Variants in GATA5 observed in about 807,000 individuals in gnomAD.
GATA5 encodes the protein transcription factor GATA-5.
Under a neutral mutation model 35.0 loss-of-function variants are expected in GATA5, and 27 were observed. The ratio of observed to expected loss-of-function variants is 0.77; its 90% CI spans 0.57 to 1.06. GATA5 has a LOEUF of 1.06. Ranked by LOEUF, GATA5 falls within the 50% of genes least tolerant of loss-of-function variation. The pLI is 0.00. For missense variants in GATA5, 612 were observed against 580.0 expected (o/e 1.06, Z -0.57); for synonymous variants, 306 against 267.8 (o/e 1.14, Z -1.39).
chr20:62,464,727 G>A lies in GATA5; in HGVS notation c.*109C>T, dbSNP rs1989533400. Reference sequence around the variant, plus strand: ...GAGACTCCAGCAGACCCAGTCTCTGGGTTGGGGGGCCTGCTGGTCTCTGCT... The same window carrying A: ...GAGACTCCAGCAGACCCAGTCTCTGAGTTGGGGGGCCTGCTGGTCTCTGCT... On this transcript the variant is annotated 3_prime_UTR_variant, in exon 7 of 7. Transcript: ENST00000252997. 1.0e-6 allele frequency: 1 copy of A among 992,168 alleles called. No homozygotes were observed. The highest frequency in any genetic ancestry group is 1.7e-5 in the African/African-American group (1 of 59,214). 61.5% of individuals were successfully genotyped at this position (992,168 alleles called of 1,614,324 possible).
Position 62,470,393 on chromosome 20 carries a change from T to C in GATA5, c.699+3010A>G, listed in dbSNP as rs1989694168. On this transcript the variant is annotated intron_variant, in intron 3 of 6. Coordinates refer to ENST00000252997, the MANE Select transcript of GATA5 (RefSeq NM_080473.5). The surrounding 1 kb of genome is among the most constrained non-coding windows in gnomAD (Gnocchi z 4.6). ...CTGCTGTGCCGCAGAGTCTGAGCCT[T>C]GGGGACGGGTGAGTGGCTGGAATGT... is the stretch of plus-strand genomic sequence containing the variant. Among the ~76,000 whole-genome samples, 1 of 152,172 alleles carries C rather than the reference T, an allele frequency of 6.6e-6. No individual in the cohort carries two copies. The highest frequency in any genetic ancestry group is 2.4e-5 in the African/African-American group (1 of 41,460).
At chr20:62,473,175 G>A (rs941527369) in intron 3 of GATA5, among the ~76,000 whole-genome samples, 4 of 152,344 alleles carry the variant, frequency 2.6e-5, no homozygotes, top group Admixed American at 6.5e-5. Flanking sequence ...TGGGCGCTAT[G>A]AGCTGGTGGC....
At position 62,466,542 on chromosome 20, in the gene GATA5, G is replaced by A. The variant is rs367777789; in HGVS notation, c.709C>T (p.Arg237Cys). The change falls in exon 4 of 7, where the codon CGC becomes TGC. Residue 237 changes from arginine to cysteine, a missense_variant. Physicochemically the swap from Arg to Cys is radical, Grantham distance 180 (BLOSUM62 -3). Transcript: ENST00000252997. ...TTGGTGCAGCAGAGGCCGGCGCGGC[G>A]GGACGAGGACTGTGGGGGCGAGGGA... is the stretch of plus-strand genomic sequence containing the variant. ...VRPQKRLSSS[R>C]RAGLCCTNCH... 1.7e-5 allele frequency: 26 copies of A among 1,552,214 alleles called. No homozygotes were observed. The African/African-American group carries it at 1.8e-4, about 11-fold the overall frequency.
intron 2 of GATA5, 38 bp downstream of exon 2, chr20:62,474,961 G>T (rs781981404): frequency 1.2e-5 from 15 of 1,268,468 alleles, no homozygotes; most frequent in Non-Finnish European, 1.2e-5. Context: ...GGATTCGGCC[G>T]CTCCTGGGCC....
chr20:62,465,593 CG>C, intron 5 of GATA5, 129 bp from the exon 6 acceptor site: 1 of 1,296,762 alleles, frequency 7.7e-7, no homozygotes, highest in African/African-American at 1.5e-5. Context: ...ACACCGCAGG[CG>C]TGGGTGGTGT....
At chr20:62,466,984 C>T (rs190811488) in intron 3 of GATA5, among the ~76,000 whole-genome samples, 236 of 152,350 alleles carry the variant, frequency 1.5e-3, no homozygotes, top group Non-Finnish European at 2.5e-3. Context: ...TCCCCCTGGA[C>T]ACCCGCCTCC....
chr20:62,469,159 C>A (rs1212516494), intron 3 of GATA5, among the ~76,000 whole-genome samples: 6 of 152,258 alleles, frequency 3.9e-5, no homozygotes, highest in Non-Finnish European at 8.8e-5. Flanking sequence ...TCCCCCAGGG[C>A]TGCCAGACGG....
Position 62,464,765 on chromosome 20 carries a change from A to G in GATA5, c.*71T>C. The G allele has an allele frequency of 7.4e-7, 1 of 1,355,278 alleles. No homozygotes were observed. The highest frequency in any genetic ancestry group is 1.5e-5 in the South Asian group (1 of 68,790). 84.0% of individuals were successfully genotyped at this position (1,355,278 alleles called of 1,614,324 possible). A position where few individuals can be genotyped will look rare whatever the true frequency, so the allele number is the denominator to read the frequency against. On this transcript the variant is annotated 3_prime_UTR_variant, in exon 7 of 7. Transcript: ENST00000252997. ...GCTGGTCTCTGCTGTGCTGGAGCAA[A>G]GCAGGCACGGAGGTGACTCAGTGGG... is the stretch of plus-strand genomic sequence containing the variant.
At chr20:62,471,986 T>TC (rs1989734529) in intron 3 of GATA5, among the ~76,000 whole-genome samples, 1 of 150,678 alleles carries the variant, frequency 6.6e-6, no homozygotes, top group Non-Finnish European at 1.5e-5. Flanking sequence ...GCTTAAGCAA[T>TC]CCTCCTGCTT....
At position 62,465,256 on chromosome 20, in the gene GATA5, C is replaced by T. The variant is rs1265654697; in HGVS notation, c.1038+84G>A. The T allele has an allele frequency of 5.0e-5, 71 of 1,410,496 alleles. 1 individual carries two copies. The South Asian group carries it at 5.6e-4, about 11-fold the overall frequency. 87.4% of individuals were successfully genotyped at this position (1,410,496 alleles called of 1,614,324 possible). On this transcript the variant is annotated intron_variant, in intron 6 of 6. Coordinates refer to ENST00000252997, the MANE Select transcript of GATA5 (RefSeq NM_080473.5). Reference sequence around the variant, plus strand: ...CCAGCCCACCTGCTGGAAGAGGCTCCGAGGGGCTCTGATGGGATCTGACTT... The same window carrying T: ...CCAGCCCACCTGCTGGAAGAGGCTCTGAGGGGCTCTGATGGGATCTGACTT...
chr20:62,469,027 G>A (rs979955979), intron 3 of GATA5, among the ~76,000 whole-genome samples: 7 of 152,218 alleles, frequency 4.6e-5, no homozygotes, highest in African/African-American at 1.7e-4. Context: ...TCCTCGTCAG[G>A]TGCCAGGTGC....
intron 2 of GATA5, 54 bp from the exon 3 acceptor site, chr20:62,473,632 CCAGCT>C (rs1989778795): frequency 1.3e-6 from 2 of 1,525,584 alleles, no homozygotes; most frequent in Non-Finnish European, 1.8e-6. Flanking sequence ...AGGATCCTCC[CCAGCT>C]CATGGGCCGG....
chr20:62,467,899 G>A (rs1439103304), intron 3 of GATA5, among the ~76,000 whole-genome samples: 1 of 149,028 alleles, frequency 6.7e-6, no homozygotes, highest in East Asian at 2.0e-4. Flanking sequence ...TACGTGAGCA[G>A]ACACAGCCAG....
rs2146479328 is a variant in GATA5, at chr20:62,464,887, G to T, written c.1143C>A (p.Gly381=). The T allele has an allele frequency of 6.2e-7, 1 of 1,610,816 alleles. No homozygotes were observed. The highest frequency in any genetic ancestry group is 8.5e-7 in the Non-Finnish European group (1 of 1,178,846). The change falls in exon 7 of 7, where the codon GGC becomes GGA. Residue 381 remains glycine (G), a synonymous_variant. Coordinates refer to ENST00000252997, the MANE Select transcript of GATA5 (RefSeq NM_080473.5). ...CCTCTTGGCGCAGAGCCCCCCTGAGGCCAGCCTGGGGGCTTGGGGCCGTGG... is the reference window on the plus strand; with the variant it reads ...CCTCTTGGCGCAGAGCCCCCCTGAGTCCAGCCTGGGGGCTTGGGGCCGTGG... ...FPSTAPSPQA[G]LRGALRQEAW...
rs1466787445 is a variant in GATA5 at position 62,470,109 on chromosome 20, G to A, written c.699+3294C>T. 7.2e-5 allele frequency among the ~76,000 whole-genome samples: 11 copies of A among 152,244 alleles called. No individual in the cohort carries two copies. Among genetic ancestry groups the A allele is most frequent in the Non-Finnish European group, 1.5e-4 (10 of 68,050 alleles). ...AAGTCAAACTTCAAAGCCTCCTTGCGCGCAGCAGAGCCGCTCTAAGCACCA... is the reference window on the plus strand; with the variant it reads ...AAGTCAAACTTCAAAGCCTCCTTGCACGCAGCAGAGCCGCTCTAAGCACCA... On this transcript the variant is annotated intron_variant, in intron 3 of 6. Transcript: ENST00000252997. The surrounding 1 kb of genome is among the most constrained non-coding windows in gnomAD (Gnocchi z 4.6).
intron 6 of GATA5, 65 bp downstream of exon 6, chr20:62,465,275 C>T: frequency 6.6e-7 from 1 of 1,513,418 alleles, no homozygotes; most frequent in Non-Finnish European, 8.8e-7. Context: ...CTGATGGGAT[C>T]TGACTTGGCG....
chr20:62,474,097 G>C (rs1006112810), intron 2 of GATA5, among the ~76,000 whole-genome samples: 5 of 152,156 alleles, frequency 3.3e-5, no homozygotes, highest in Non-Finnish European at 5.9e-5. Flanking sequence ...GGTTGGGAGG[G>C]TGGAGGAGGT....
chr20:62,473,621 C>A, intron 2 of GATA5, 43 bp from the exon 3 acceptor site: 1 of 1,541,700 alleles, frequency 6.5e-7, no homozygotes, highest in South Asian at 1.2e-5. Flanking sequence ...CTCCCCTCCC[C>A]AGGATCCTCC....
At chr20:62,472,500 C>T (rs1363404078) in intron 3 of GATA5, among the ~76,000 whole-genome samples, 1 of 152,204 alleles carries the variant, frequency 6.6e-6, no homozygotes, top group African/African-American at 2.4e-5. Context: ...GCTGGCTGAT[C>T]GACCCCGCAC....
Sources: allele counts gnomAD v4.1 joint callset (sites outside exome capture counted in the v4.1 genomes callset), GRCh38; gene constraint gnomAD v4.1.1; non-coding constraint Gnocchi (gnomAD v3.1); transcripts MANE v1.5; gene names NCBI Gene and HGNC (gene_info 2026-07-23, HGNC 2026-07-21).